Variants in LRRC37A2 observed in about 807,000 individuals in gnomAD.
LRRC37A2 encodes leucine rich repeat containing 37 member A2.
Under a neutral mutation model 68.8 loss-of-function variants are expected in LRRC37A2, and 9 were observed. The observed-to-expected ratio is 0.13, with a 90% confidence interval of 0.08 to 0.23. The LOEUF (loss-of-function observed/expected upper bound fraction) is 0.23, where lower values mean the gene tolerates loss of function less well. Among genes scored for constraint, LRRC37A2 ranks in the 10% least tolerant of loss-of-function variants. LRRC37A2 has a pLI of 1.00. For missense variants in LRRC37A2, 168 were observed against 950.4 expected (o/e 0.18, Z 10.82); for synonymous variants, 63 against 367.6 (o/e 0.17, Z 9.48).
the LRRC37A2 span, among the ~76,000 whole-genome samples, chr17:46,406,125 CA>C: frequency 3.1e-5 from 2 of 64,380 alleles, no homozygotes; most frequent in African/African-American, 1.3e-4. Flanking sequence ...ATAAGTTTAC[CA>C]AATTTATTGA....
chr17:46,983,437 G>C, the LRRC37A2 span, among the ~76,000 whole-genome samples: 8 of 152,074 alleles, frequency 5.3e-5, no homozygotes, highest in Admixed American at 5.2e-4. Context: ...TGGGATTACA[G>C]GTGTCCGCCA....
At chr17:46,490,258 G>A in the LRRC37A2 span, among the ~76,000 whole-genome samples, 1 of 151,278 alleles carries the variant, frequency 6.6e-6, no homozygotes, top group Non-Finnish European at 1.5e-5. Context: ...GTAAACAAAT[G>A]AGTGTGGCTG....
At chr17:46,952,210 T>A in the LRRC37A2 span, among the ~76,000 whole-genome samples, 2 of 152,188 alleles carry the variant, frequency 1.3e-5, no homozygotes, top group African/African-American at 4.8e-5. Context: ...TGTCTCTCCT[T>A]CCTGTGGAAA....
chr17:46,657,404 C>T, the LRRC37A2 span, among the ~76,000 whole-genome samples: 109 of 152,268 alleles, frequency 7.2e-4, no homozygotes, highest in African/African-American at 2.5e-3. Context: ...TTTCAAGAGA[C>T]TTGGAGTCTA....
chr17:46,807,910 C>T, the LRRC37A2 span, among the ~76,000 whole-genome samples: 469 of 152,266 alleles, frequency 3.1e-3, 2 homozygotes, highest in African/African-American at 0.011. Flanking sequence ...GCTGGCTCCT[C>T]GGGGAGAAAT....
chr17:46,829,112 G>A, the LRRC37A2 span, among the ~76,000 whole-genome samples: 1 of 152,186 alleles, frequency 6.6e-6, no homozygotes, highest in African/African-American at 2.4e-5. Flanking sequence ...CAATATACTG[G>A]AAGCTACTGA....
At chr17:47,022,604 CTACA>C in the LRRC37A2 span, among the ~76,000 whole-genome samples, 2 of 152,146 alleles carry the variant, frequency 1.3e-5, no homozygotes, top group Admixed American at 1.3e-4. Context: ...CCCCATTTAC[CTACA>C]TACATATTTA....
the LRRC37A2 span, among the ~76,000 whole-genome samples, chr17:46,784,572 G>T: frequency 6.6e-6 from 1 of 152,172 alleles, no homozygotes; most frequent in Non-Finnish European, 1.5e-5. Context: ...CAGCTTCAGG[G>T]CCTGAACCTC....
the LRRC37A2 span, among the ~76,000 whole-genome samples, chr17:47,027,821 C>T: frequency 1.1e-4 from 16 of 152,300 alleles, no homozygotes; most frequent in East Asian, 3.1e-3. Flanking sequence ...CATCAGAGAG[C>T]AGTGGTTCTC....
the LRRC37A2 span, among the ~76,000 whole-genome samples, chr17:46,962,234 CAGG>C: frequency 2.0e-5 from 3 of 151,288 alleles, no homozygotes; most frequent in Non-Finnish European, 4.4e-5. Context: ...GAGGCTGAGG[CAGG>C]AGAATAATTT....
chr17:46,875,858 T>C, the LRRC37A2 span, among the ~76,000 whole-genome samples: 4 of 152,142 alleles, frequency 2.6e-5, no homozygotes, highest in Non-Finnish European at 4.4e-5. Context: ...TCTTGGTCTA[T>C]TGAGGGGAGG....
At chr17:46,982,953 G>C in the LRRC37A2 span, among the ~76,000 whole-genome samples, 2,329 of 152,272 alleles carry the variant, frequency 0.015, 42 homozygotes, top group African/African-American at 0.054. Flanking sequence ...AGCTACAGTT[G>C]GGCTCATTAG....
the LRRC37A2 span, among the ~76,000 whole-genome samples, chr17:46,986,151 G>A: frequency 3.3e-5 from 5 of 152,098 alleles, no homozygotes; most frequent in Admixed American, 6.6e-5. Flanking sequence ...GGGGGGATGC[G>A]GGATTCAGCA....
chr17:46,741,701 GTCGAT>G, the LRRC37A2 span, among the ~76,000 whole-genome samples: 12 of 152,322 alleles, frequency 7.9e-5, no homozygotes, highest in East Asian at 9.6e-4. Context: ...TTTAATGGTA[GTCGAT>G]CTTTTCCCTT....
chr17:47,011,785 T>C, the LRRC37A2 span, among the ~76,000 whole-genome samples: 1,114 of 152,228 alleles, frequency 7.3e-3, 14 homozygotes, highest in African/African-American at 0.026. Flanking sequence ...AGTTCAACTC[T>C]GATGTTTCCT....
At chr17:46,921,234 C>A in the LRRC37A2 span, 1 of 152,366 alleles carries the variant, frequency 6.6e-6, no homozygotes, top group Non-Finnish European at 1.5e-5. Flanking sequence ...TTCGTGGGAT[C>A]TAACCATCGT....
the LRRC37A2 span, among the ~76,000 whole-genome samples, chr17:46,916,268 G>T: frequency 6.6e-6 from 1 of 152,310 alleles, no homozygotes; most frequent in African/African-American, 2.4e-5. Context: ...GAGATACTGG[G>T]TTGGTTTTAA....
the LRRC37A2 span, among the ~76,000 whole-genome samples, chr17:46,875,677 ATTCCAAGGACCAGGCC>A: frequency 3.9e-5 from 6 of 152,196 alleles, no homozygotes; most frequent in Non-Finnish European, 8.8e-5. Flanking sequence ...AGGGGTCTCC[ATTCCAAGGACCAGGCC>A]TTCCTGGAGG....
the LRRC37A2 span, chr17:46,935,211 T>C: frequency 6.2e-7 from 1 of 1,612,702 alleles, no homozygotes. Context: ...CCTCTTGTTT[T>C]AGCCTCATCC....
Sources: gnomAD v4.1 joint callset for allele counts (sites outside exome capture counted in the v4.1 genomes callset) on GRCh38, gnomAD v4.1.1 for gene constraint, MANE v1.5 for transcripts, NCBI Gene and HGNC (gene_info 2026-07-23, HGNC 2026-07-21) for gene names.